The following RIMS2 variants were observed in gnomAD, a reference collection of about 807,000 sequenced individuals.
The protein encoded by RIMS2 is regulating synaptic membrane exocytosis protein 2.
Under a neutral mutation model 174.4 loss-of-function variants are expected in RIMS2, and 59 were observed. The observed-to-expected ratio is 0.34, with a 90% CI of 0.27 to 0.42. The LOEUF (loss-of-function observed/expected upper bound fraction) is 0.42. Ranked by LOEUF, RIMS2 falls within the 10% of genes least tolerant of loss-of-function variation. RIMS2 has a pLI of 1.00. For missense variants in RIMS2, 1,620 were observed against 1,666.3 expected (o/e 0.97, Z 0.48); for synonymous variants, 606 against 572.5 (o/e 1.06, Z -0.84).
chr8:103,927,967 G>C lies in RIMS2; in HGVS notation c.2244+78G>C, dbSNP rs1039129565. The C allele has an allele frequency of 4.2e-6, 5 of 1,178,018 alleles. No individual in the cohort carries two copies. The Admixed American group carries it at 7.8e-5, about 18-fold the overall frequency. The allele number at this position is 1,178,018 out of a possible 1,614,324, so 73.0% of individuals were successfully genotyped here. A position where few individuals can be genotyped will look rare whatever the true frequency, so the allele number is the denominator to read the frequency against. ...TATGTTTTTGGAAAATGCGTTAGTA[G>C]GAAAACTTTTTTTGTTATGTTGCTC... On this transcript the variant is annotated intron_variant, in intron 11 of 23. Coordinates refer to ENST00000504942, the Ensembl canonical transcript of RIMS2.
intron 2 of RIMS2, among the ~76,000 whole-genome samples, chr8:103,704,933 T>C (rs557551919): frequency 1.2e-4 from 19 of 152,070 alleles, no homozygotes; most frequent in African/African-American, 4.6e-4. Context: ...TTTTCTTTTG[T>C]GTTTTTTGAC....
At chr8:103,801,928 A>G (rs531742029) in intron 3 of RIMS2, among the ~76,000 whole-genome samples, 29 of 152,340 alleles carry the variant, frequency 1.9e-4, no homozygotes, top group African/African-American at 7.0e-4. Flanking sequence ...TTTCTTGACA[A>G]TATCTGTAAA....
intron 1 of RIMS2, among the ~76,000 whole-genome samples, chr8:103,574,814 C>T (rs1236785662): frequency 6.6e-6 from 1 of 152,190 alleles, no homozygotes. Context: ...ACTTAGCGTA[C>T]ACCAAATGTG....
chr8:103,905,151 T>A (rs1430273632), intron 4 of RIMS2, among the ~76,000 whole-genome samples: 2 of 152,096 alleles, frequency 1.3e-5, no homozygotes, highest in African/African-American at 4.8e-5. Flanking sequence ...TTTAGAAAAC[T>A]CAAGAGGAGA....
intron 19 of RIMS2, among the ~76,000 whole-genome samples, chr8:104,096,886 A>AG (rs2097772256): frequency 6.6e-6 from 1 of 151,740 alleles, no homozygotes; most frequent in Non-Finnish European, 1.5e-5. Context: ...AAAAAAAAAA[A>AG]AAGAAAAAGA....
chr8:103,731,479 T>C (rs1353733428), intron 2 of RIMS2, among the ~76,000 whole-genome samples: 2 of 152,190 alleles, frequency 1.3e-5, no homozygotes, highest in African/African-American at 2.4e-5. Flanking sequence ...CCCTTTAATA[T>C]TGATATCTTT....
At chr8:103,914,135 G>C (rs2076236057) in intron 6 of RIMS2, among the ~76,000 whole-genome samples, 2 of 152,160 alleles carry the variant, frequency 1.3e-5, no homozygotes, top group Non-Finnish European at 2.9e-5. Context: ...GGGACAGTGA[G>C]ATGTGCCTAT....
At chr8:103,619,440 A>G (rs1177774364) in intron 1 of RIMS2, among the ~76,000 whole-genome samples, 1 of 152,090 alleles carries the variant, frequency 6.6e-6, no homozygotes, top group Non-Finnish European at 1.5e-5. Flanking sequence ...GTAAAGATAT[A>G]TAAATAAATA....
intron 2 of RIMS2, among the ~76,000 whole-genome samples, chr8:103,743,571 C>T (rs377421624): frequency 7.4e-6 from 1 of 135,522 alleles, no homozygotes; most frequent in African/African-American, 2.8e-5. Context: ...ATATTTATTA[C>T]TTATGATTTT....
At chr8:103,624,008 G>A (rs1410617878) in intron 1 of RIMS2, among the ~76,000 whole-genome samples, 1 of 152,128 alleles carries the variant, frequency 6.6e-6, no homozygotes, top group Non-Finnish European at 1.5e-5. Flanking sequence ...AATGTTAATT[G>A]TAAAAAGAGA....
chr8:103,906,261 A>G (rs2074385688), intron 4 of RIMS2, among the ~76,000 whole-genome samples: 1 of 151,970 alleles, frequency 6.6e-6, no homozygotes, highest in African/African-American at 2.4e-5. Flanking sequence ...TTGTTTTTGG[A>G]GATGAAGTCT....
At chr8:104,076,193 A>G (rs986515952) in intron 19 of RIMS2, among the ~76,000 whole-genome samples, 3 of 152,218 alleles carry the variant, frequency 2.0e-5, no homozygotes, top group Admixed American at 6.5e-5. Flanking sequence ...TAAAGCCTTC[A>G]GTCCCACTTA....
intron 14 of RIMS2, among the ~76,000 whole-genome samples, chr8:103,954,549 A>G (rs1303697844): frequency 2.0e-5 from 3 of 152,232 alleles, no homozygotes; most frequent in African/African-American, 7.2e-5. Context: ...GTTCTTTGAA[A>G]CCAATGAGAG....
intron 1 of RIMS2, among the ~76,000 whole-genome samples, chr8:103,639,308 T>C (rs2096170859): frequency 6.6e-6 from 1 of 151,904 alleles, no homozygotes; most frequent in Non-Finnish European, 1.5e-5. Flanking sequence ...CTTCCAGGGA[T>C]TTAAAAAAAA....
At chr8:104,080,080 A>C (rs1474810326) in intron 19 of RIMS2, among the ~76,000 whole-genome samples, 1 of 152,064 alleles carries the variant, frequency 6.6e-6, no homozygotes, top group Non-Finnish European at 1.5e-5. Flanking sequence ...TAGAGATAAT[A>C]ATAGTGGAAA....
intron 3 of RIMS2, among the ~76,000 whole-genome samples, chr8:103,869,825 C>A (rs1054901154): frequency 4.6e-5 from 7 of 152,000 alleles, no homozygotes; most frequent in Non-Finnish European, 1.0e-4. Context: ...GTTTGAGGAT[C>A]TTAATTTTAA....
intron 3 of RIMS2, among the ~76,000 whole-genome samples, chr8:103,876,398 C>T (rs2099137036): frequency 6.6e-6 from 1 of 151,458 alleles, no homozygotes; most frequent in South Asian, 2.1e-4. Context: ...TAAATCCAAA[C>T]TTATATTTTA....
At chr8:103,819,673 C>G in intron 3 of RIMS2, 1 of 1,473,102 alleles carries the variant, frequency 6.8e-7, no homozygotes, top group Non-Finnish European at 9.4e-7. Flanking sequence ...TTGTTATTTT[C>G]AGAATAATCT....
intron 1 of RIMS2, among the ~76,000 whole-genome samples, chr8:103,550,088 G>T (rs1020857429): frequency 6.6e-6 from 1 of 152,142 alleles, no homozygotes; most frequent in Admixed American, 6.5e-5. Flanking sequence ...ATTGAACTCA[G>T]CTCTGCACCA....
Sources: allele counts gnomAD v4.1 joint callset (sites outside exome capture counted in the v4.1 genomes callset), GRCh38; gene constraint gnomAD v4.1.1; transcripts MANE v1.5; gene names NCBI Gene and HGNC (gene_info 2026-07-23, HGNC 2026-07-21).